Variants in CFTR observed in about 807,000 individuals in gnomAD.
CFTR encodes CF transmembrane conductance regulator, also known as cystic fibrosis transmembrane conductance regulator.
In CFTR, 181 loss-of-function variants were observed where a neutral mutation model predicts 171.6. The observed-to-expected ratio is 1.05, with a 90% CI of 0.93 to 1.19. The LOEUF (loss-of-function observed/expected upper bound fraction) is 1.19, where lower values mean the gene tolerates loss of function less well. CFTR is among the 50% of genes most tolerant of loss of function. The pLI is 0.00. For missense variants in CFTR, 1,968 were observed against 1,734.7 expected, an observed-to-expected ratio of 1.13 and a Z score of -2.39; for synonymous variants, 583 against 608.0, an observed-to-expected ratio of 0.96 and a Z score of 0.60.
intron 22 of CFTR, among the ~76,000 whole-genome samples, chr7:117,637,007 G>C (rs993199337): frequency 2.0e-5 from 3 of 151,746 alleles, no homozygotes; most frequent in Admixed American, 6.6e-5. Flanking sequence ...AGTAGAGATG[G>C]GGTTTTATCA....
At chr7:117,493,160 C>G (rs1482745318) in intron 1 of CFTR, among the ~76,000 whole-genome samples, 1 of 151,848 alleles carries the variant, frequency 6.6e-6, no homozygotes, top group Non-Finnish European at 1.5e-5. Flanking sequence ...TTCTGAAATG[C>G]CTATAAAAAT....
At position 117,667,590 on chromosome 7, in the gene CFTR, C is replaced by T. The variant is rs147862180; in HGVS notation, c.*482C>T. ...TGTATTCCTTTTTCTCTCCTCTCCCCATGATGTTTAGAAACACAACTATAT... is the reference window on the plus strand; with the variant it reads ...TGTATTCCTTTTTCTCTCCTCTCCCTATGATGTTTAGAAACACAACTATAT... On this transcript the variant is annotated 3_prime_UTR_variant, in exon 27 of 27. Coordinates refer to ENST00000003084, the MANE Select transcript of CFTR (RefSeq NM_000492.4). 1.5e-3 allele frequency: 369 copies of T among 241,740 alleles called. No homozygotes were observed. Among genetic ancestry groups the T allele is most frequent in the Non-Finnish European group, 1.8e-3 (226 of 122,298 alleles). The allele number at this position is 241,740 out of a possible 1,614,324, so 15.0% of individuals were successfully genotyped here. A position where few individuals can be genotyped will look rare whatever the true frequency, so the allele number is the denominator to read the frequency against.
chr7:117,510,016 A>G (rs1798490325), intron 3 of CFTR, among the ~76,000 whole-genome samples: 2 of 152,158 alleles, frequency 1.3e-5, no homozygotes, highest in South Asian at 2.1e-4. Context: ...ATTTCAGTTC[A>G]TACACCCCCA....
At chr7:117,583,273 C>G (rs974956414) in intron 11 of CFTR, among the ~76,000 whole-genome samples, 11 of 152,030 alleles carry the variant, frequency 7.2e-5, no homozygotes, top group Non-Finnish European at 1.3e-4. Flanking sequence ...ATATACCCAT[C>G]ACCTGAGCAG....
At chr7:117,559,698 C>T in intron 11 of CFTR, 43 bp downstream of exon 11, 1 of 1,297,370 alleles carries the variant, frequency 7.7e-7, no homozygotes, top group Admixed American at 1.7e-5. Context: ...CATATGAACC[C>T]TTCACACTAC....
rs145449046 is a variant in CFTR, at chr7:117,592,541, C to G, written c.2374C>G (p.Arg792Gly). 2.6e-5 allele frequency: 40 copies of G among 1,521,040 alleles called. No homozygotes were observed. The Admixed American group carries it at 7.8e-4, about 30-fold the overall frequency. 94.2% of individuals were successfully genotyped at this position (1,521,040 alleles called of 1,614,324 possible). A position where few individuals can be genotyped will look rare whatever the true frequency, so the allele number is the denominator to read the frequency against. The change falls in exon 14 of 27, where the codon CGA (arginine) becomes GGA (glycine). Residue 792 changes from arginine (R) to glycine (G), a missense_variant. Coordinates refer to ENST00000003084, the MANE Select transcript of CFTR (RefSeq NM_000492.4). ...NIHRKTTAST[R>G]KVSLAPQANL... is the part of the protein sequence containing the mutation. ...TCACCGAAAGACAACAGCATCCACACGAAAAGTGTCACTGGCCCCTCAGGC... is the reference window on the plus strand; with the variant it reads ...TCACCGAAAGACAACAGCATCCACAGGAAAAGTGTCACTGGCCCCTCAGGC...
At chr7:117,566,305 C>T (rs1177348239) in intron 11 of CFTR, among the ~76,000 whole-genome samples, 1 of 151,032 alleles carries the variant, frequency 6.6e-6, no homozygotes, top group African/African-American at 2.4e-5. Context: ...CGTGGTGGTG[C>T]ACGTTTGTAG....
intron 11 of CFTR, among the ~76,000 whole-genome samples, chr7:117,586,774 CTT>C (rs3216281): frequency 1.4e-5 from 2 of 143,136 alleles, no homozygotes; most frequent in African/African-American, 2.5e-5. Context: ...GGGAGAGAGA[CTT>C]TTTTTTTTTT....
rs34089570 is a variant in CFTR at position 117,533,503 on chromosome 7, G to A, written c.490-773G>A. On this transcript the variant is annotated intron_variant, in intron 4 of 26. Coordinates refer to ENST00000003084, the MANE Select transcript of CFTR (RefSeq NM_000492.4). ...TTCATAAATCTTAATAATCCCTGAG[G>A]CATCAAGTACAGTGATTTGCATTTA... is the stretch of plus-strand genomic sequence containing the variant. Among the ~76,000 whole-genome samples, 556 of 152,196 alleles carry A rather than the reference G, an allele frequency of 3.7e-3. 4 individuals carry two copies. The highest frequency in any genetic ancestry group is 9.6e-3 in the African/African-American group (399 of 41,544).
intron 23 of CFTR, among the ~76,000 whole-genome samples, chr7:117,645,071 C>G (rs1005172954): frequency 2.6e-5 from 4 of 152,152 alleles, no homozygotes; most frequent in African/African-American, 9.7e-5. Flanking sequence ...TCTTTATGAT[C>G]TGAAAAGAAT....
At chr7:117,569,867 A>T (rs1562901648) in intron 11 of CFTR, among the ~76,000 whole-genome samples, 1 of 152,180 alleles carries the variant, frequency 6.6e-6, no homozygotes, top group Non-Finnish European at 1.5e-5. Context: ...GGCAAGCATC[A>T]TTCTACAAAC....
intron 2 of CFTR, among the ~76,000 whole-genome samples, chr7:117,508,127 G>C (rs980561986): frequency 6.6e-6 from 1 of 152,210 alleles, no homozygotes; most frequent in African/African-American, 2.4e-5. Context: ...TAACTTGACA[G>C]TAATGGGAAT....
At chr7:117,566,176 G>A (rs913845864) in intron 11 of CFTR, among the ~76,000 whole-genome samples, 1 of 151,858 alleles carries the variant, frequency 6.6e-6, no homozygotes, top group Non-Finnish European at 1.5e-5. Context: ...TCTCATGCCT[G>A]TAATAATAGC....
At chr7:117,533,710 T>G (rs1562890051) in intron 4 of CFTR, among the ~76,000 whole-genome samples, 1 of 152,168 alleles carries the variant, frequency 6.6e-6, no homozygotes, top group Non-Finnish European at 1.5e-5. Flanking sequence ...AATTGGTAGA[T>G]AAATAAGTAG....
intron 22 of CFTR, among the ~76,000 whole-genome samples, chr7:117,628,599 G>C (rs371258138): frequency 2.0e-5 from 3 of 152,192 alleles, no homozygotes; most frequent in African/African-American, 7.2e-5. Flanking sequence ...CAAAAATATA[G>C]AGAGAGATAC....
chr7:117,519,622 T>C (rs550028191), intron 3 of CFTR, among the ~76,000 whole-genome samples: 1 of 152,168 alleles, frequency 6.6e-6, no homozygotes, highest in African/African-American at 2.4e-5. Flanking sequence ...TTGATGTTAA[T>C]CCTTCCAGCT....
chr7:117,642,328 G>T, intron 22 of CFTR, 110 bp from the exon 23 acceptor site: 1 of 1,090,996 alleles, frequency 9.2e-7, no homozygotes, highest in Non-Finnish European at 1.4e-6. Context: ...TCTTCCACTG[G>T]TGACAGGATA....
intron 11 of CFTR, among the ~76,000 whole-genome samples, chr7:117,582,740 T>C (rs1315790831): frequency 6.6e-6 from 1 of 152,198 alleles, no homozygotes; most frequent in Non-Finnish European, 1.5e-5. Context: ...CAGAGTAACA[T>C]GGTACCAAGA....
At chr7:117,596,574 T>C (rs886706877) in intron 15 of CFTR, among the ~76,000 whole-genome samples, 2 of 152,244 alleles carry the variant, frequency 1.3e-5, no homozygotes, top group Non-Finnish European at 2.9e-5. Flanking sequence ...GCTGGGCTTC[T>C]GAGTCTGGTG....
Sources: gnomAD v4.1 joint callset for allele counts (sites outside exome capture counted in the v4.1 genomes callset) on GRCh38, gnomAD v4.1.1 for gene constraint, MANE v1.5 for transcripts, NCBI Gene and HGNC (gene_info 2026-07-23, HGNC 2026-07-21) for gene names.